The following MEI4 variants were observed in gnomAD, a reference collection of about 807,000 sequenced individuals.
MEI4 encodes meiotic double-stranded break formation protein 4.
In MEI4, 27 loss-of-function variants were observed where a neutral mutation model predicts 31.4. The observed-to-expected ratio is 0.86, with a 90% CI of 0.63 to 1.19. The LOEUF is 1.19. Among genes scored for constraint, MEI4 ranks in the 50% most tolerant of loss-of-function variants. The pLI, the probability that MEI4 is intolerant of heterozygous loss-of-function variation, is 0.00. For synonymous variants in MEI4, 122 were observed against 145.4 expected (o/e 0.84, Z 1.16); for missense variants, 329 against 398.9 (o/e 0.82, Z 1.49).
At chr6:77,694,969 A>G (rs1340555343) in intron 2 of MEI4, among the ~76,000 whole-genome samples, 5 of 151,420 alleles carry the variant, frequency 3.3e-5, no homozygotes, top group Admixed American at 2.0e-4. Flanking sequence ...CTGGTGTGAG[A>G]TGGTATCTCA....
At chr6:77,707,526 A>T (rs1340267764) in intron 2 of MEI4, among the ~76,000 whole-genome samples, 1 of 152,216 alleles carries the variant, frequency 6.6e-6, no homozygotes, top group African/African-American at 2.4e-5. Context: ...CATGGGAGGA[A>T]TTCAAGTGGG....
At chr6:77,909,385 G>A (rs571630657) in intron 4 of MEI4, among the ~76,000 whole-genome samples, 7 of 152,060 alleles carry the variant, frequency 4.6e-5, no homozygotes, top group South Asian at 4.2e-4. Context: ...TATCACCACC[G>A]ATCCCACAGA....
At chr6:77,705,896 T>C (rs1766320724) in intron 2 of MEI4, among the ~76,000 whole-genome samples, 1 of 152,188 alleles carries the variant, frequency 6.6e-6, no homozygotes, top group Non-Finnish European at 1.5e-5. Context: ...GAAGGAGACA[T>C]TGAGGTGTTG....
At chr6:77,895,975 G>T (rs528878394) in intron 4 of MEI4, among the ~76,000 whole-genome samples, 3 of 152,070 alleles carry the variant, frequency 2.0e-5, no homozygotes, top group African/African-American at 7.2e-5. Flanking sequence ...TGGAAGTCCA[G>T]ACTAACAAAC....
At chr6:77,684,225 A>G (rs949932909) in intron 1 of MEI4, among the ~76,000 whole-genome samples, 1 of 151,978 alleles carries the variant, frequency 6.6e-6, no homozygotes, top group African/African-American at 2.4e-5. Flanking sequence ...CTGGCTATTG[A>G]ATTTTAAAAC....
In MEI4 at chr6:77,789,045, C is replaced by T. The variant is rs1582143555; in HGVS notation, c.768+27380C>T. ...TAACCAAAATAGCATGGTACTGGTA[C>T]CAAAGCAGAGATGTAGACCAATGGA... On this transcript the variant is annotated intron_variant, in intron 3 of 4. Coordinates refer to ENST00000684080, the MANE Select transcript of MEI4 (RefSeq NM_001322247.2). Among the ~76,000 whole-genome samples the T allele has an allele frequency of 2.0e-5, 3 of 152,126 alleles. No individual in the cohort carries two copies. In the East Asian group the frequency reaches 5.8e-4, roughly 29 times the overall value.
chr6:77,659,390 G>A (rs897828098), intron 1 of MEI4, among the ~76,000 whole-genome samples: 1 of 152,082 alleles, frequency 6.6e-6, no homozygotes, highest in Non-Finnish European at 1.5e-5. Flanking sequence ...CAAAACTGGA[G>A]ATGTAAAGTA....
chr6:77,866,238 G>T (rs1771023790), intron 4 of MEI4, among the ~76,000 whole-genome samples: 1 of 151,940 alleles, frequency 6.6e-6, no homozygotes, highest in African/African-American at 2.4e-5. Flanking sequence ...AGGGCAATTA[G>T]GCAGGAGAAG....
chr6:77,700,706 C>T (rs11757562), intron 2 of MEI4, among the ~76,000 whole-genome samples: 30,039 of 152,114 alleles, frequency 0.2, 3,232 homozygotes, highest in African/African-American at 0.27. Flanking sequence ...AGCTGTAGAC[C>T]GGAGCTGTTC....
intron 2 of MEI4, among the ~76,000 whole-genome samples, chr6:77,734,792 T>G (rs939928418): frequency 6.6e-6 from 1 of 152,022 alleles, no homozygotes; most frequent in African/African-American, 2.4e-5. Context: ...CTTTCCGTGT[T>G]TAGCGCTTCC....
At chr6:77,665,599 G>A (rs999295356) in intron 1 of MEI4, among the ~76,000 whole-genome samples, 1 of 152,216 alleles carries the variant, frequency 6.6e-6, no homozygotes, top group African/African-American at 2.4e-5. Flanking sequence ...TCCCTGCGTG[G>A]TCTGACACCT....
intron 4 of MEI4, among the ~76,000 whole-genome samples, chr6:77,883,992 G>A (rs1367227935): frequency 6.6e-6 from 1 of 151,572 alleles, no homozygotes; most frequent in African/African-American, 2.4e-5. Context: ...CCCTCCAGCA[G>A]TTATTTTCCT....
intron 4 of MEI4, among the ~76,000 whole-genome samples, chr6:77,860,097 C>T (rs1445678060): frequency 5.9e-5 from 9 of 152,154 alleles, no homozygotes; most frequent in Admixed American, 2.6e-4. Context: ...TAGAATAATG[C>T]TGCAAAATCA....
intron 1 of MEI4, among the ~76,000 whole-genome samples, chr6:77,665,371 C>G (rs1488653297): frequency 4.0e-5 from 6 of 151,744 alleles, no homozygotes; most frequent in African/African-American, 1.5e-4. Context: ...GCGGGACTTG[C>G]CGCTAAGGGT....
intron 2 of MEI4, among the ~76,000 whole-genome samples, chr6:77,709,861 G>GTTTAT: frequency 6.6e-6 from 1 of 152,294 alleles, no homozygotes; most frequent in East Asian, 1.9e-4. Flanking sequence ...TTTAGGGAGT[G>GTTTAT]TTTATTCTCA....
At chr6:77,656,188 C>T (rs916530174) in intron 1 of MEI4, among the ~76,000 whole-genome samples, 3 of 152,078 alleles carry the variant, frequency 2.0e-5, no homozygotes, top group Admixed American at 1.3e-4. Flanking sequence ...GAAAACAACA[C>T]ATTAGGAAGT....
At chr6:77,651,326 A>C (rs1224802646), upstream of MEI4, among the ~76,000 whole-genome samples, 1 of 152,230 alleles carries the variant, frequency 6.6e-6, no homozygotes, top group Non-Finnish European at 1.5e-5. Flanking sequence ...GGCAGGAATT[A>C]AGTCTGGAGG....
intron 4 of MEI4, among the ~76,000 whole-genome samples, chr6:77,830,803 A>C (rs1770059905): frequency 6.6e-6 from 1 of 152,146 alleles, no homozygotes; most frequent in Non-Finnish European, 1.5e-5. Flanking sequence ...CAACTACTAG[A>C]AGAAAACACT....
intron 3 of MEI4, among the ~76,000 whole-genome samples, chr6:77,782,258 A>G (rs1768613093): frequency 6.6e-6 from 1 of 152,168 alleles, no homozygotes; most frequent in South Asian, 2.1e-4. Flanking sequence ...TAGGCACCCT[A>G]AAACAATGAA....
Sources: gnomAD v4.1 joint callset for allele counts (sites outside exome capture counted in the v4.1 genomes callset) on GRCh38, gnomAD v4.1.1 for gene constraint, MANE v1.5 for transcripts, NCBI Gene and HGNC (gene_info 2026-07-23, HGNC 2026-07-21) for gene names.